Variants in DTNA observed in about 807,000 individuals in gnomAD.
DTNA encodes the protein dystrophin-related protein 3.
DTNA carries 43 observed loss-of-function variants against 100.7 expected under a neutral mutation model. The observed-to-expected ratio is 0.43, with a 90% CI of 0.33 to 0.55. The LOEUF is 0.55. Among genes scored for constraint, DTNA ranks in the 20% least tolerant of loss-of-function variants. The pLI is 0.04. For synonymous variants in DTNA, 349 were observed against 347.9 expected, an observed-to-expected ratio of 1.00 and a Z score of -0.04; for missense variants, 798 against 953.9, an observed-to-expected ratio of 0.84 and a Z score of 2.15.
intron 8 of DTNA, 136 bp from the exon 9 acceptor site, chr18:34,820,655 A>G: frequency 7.0e-7 from 1 of 1,422,418 alleles, no homozygotes; most frequent in Middle Eastern, 1.9e-4. Context: ...AGCATTGAGC[A>G]AACTTCCAGA....
intron 9 of DTNA, chr18:34,821,352 C>T (rs1174925904): frequency 1.9e-5 from 8 of 422,076 alleles, no homozygotes; most frequent in African/African-American, 1.0e-4. Flanking sequence ...CTAGAAATTA[C>T]TTTTGTTTTT....
At chr18:34,560,232 A>G (rs1428954077) in intron 1 of DTNA, among the ~76,000 whole-genome samples, 3 of 152,208 alleles carry the variant, frequency 2.0e-5, no homozygotes, top group Non-Finnish European at 4.4e-5. Context: ...AGCAGACCAC[A>G]AACTCCTTGA....
At chr18:34,793,698 A>G (rs2094846358) in intron 3 of DTNA, among the ~76,000 whole-genome samples, 1 of 152,158 alleles carries the variant, frequency 6.6e-6, no homozygotes, top group African/African-American at 2.4e-5. Context: ...TAGTCTTGCC[A>G]TTGACTCCTC....
Position 34,702,404 on chromosome 18 carries a change from A to G in DTNA, c.-1-53572A>G, listed in dbSNP as rs192145541. 2.3e-3 allele frequency among the ~76,000 whole-genome samples: 343 copies of G among 152,340 alleles called. 2 individuals carry two copies. The highest frequency in any genetic ancestry group is 3.5e-3 in the Non-Finnish European group (239 of 68,018). On this transcript the variant is annotated intron_variant, in intron 1 of 19. Coordinates refer to the DTNA transcript ENST00000283365. ...ACGATACAAGTCAGAAATCATTAAA[A>G]TTAGTCTTCAGCATAAGTATTAAAC...
At chr18:34,550,800 T>C (rs1349472989) in intron 1 of DTNA, among the ~76,000 whole-genome samples, 1 of 152,204 alleles carries the variant, frequency 6.6e-6, no homozygotes, top group East Asian at 1.9e-4. Flanking sequence ...ATGTTATATT[T>C]CTAATCAAAA....
chr18:34,875,188 A>G (rs1445224735), intron 17 of DTNA, 51 bp from the exon 18 acceptor site: 2 of 1,607,096 alleles, frequency 1.2e-6, no homozygotes, highest in Non-Finnish European at 1.7e-6. Context: ...TGGGGATGAC[A>G]TATGACATTT....
chr18:34,712,228 T>A (rs997465129), intron 1 of DTNA, among the ~76,000 whole-genome samples: 1 of 152,102 alleles, frequency 6.6e-6, no homozygotes, highest in Non-Finnish European at 1.5e-5. Flanking sequence ...AAATGATCTC[T>A]TACCCAAGCA....
chr18:34,514,252 A>G (rs1044066865), intron 1 of DTNA, among the ~76,000 whole-genome samples: 5 of 152,048 alleles, frequency 3.3e-5, no homozygotes, highest in Non-Finnish European at 7.4e-5. Flanking sequence ...GTATAAATGT[A>G]TGTATAAAAC....
intron 2 of DTNA, among the ~76,000 whole-genome samples, chr18:34,762,220 G>C (rs1011736294): frequency 6.6e-6 from 1 of 152,176 alleles, no homozygotes; most frequent in Non-Finnish European, 1.5e-5. Flanking sequence ...CAGACTGCTA[G>C]ATCAGAAAAA....
intron 1 of DTNA, among the ~76,000 whole-genome samples, chr18:34,596,325 T>C (rs181095716): frequency 1.0e-3 from 155 of 152,300 alleles, no homozygotes; most frequent in African/African-American, 3.4e-3. Context: ...TTCAAGTGAT[T>C]CTCGTACCTT....
intron 22 of DTNA, among the ~76,000 whole-genome samples, chr18:34,885,038 G>A (rs565421329): frequency 1.1e-4 from 17 of 152,254 alleles, no homozygotes; most frequent in African/African-American, 2.6e-4. Flanking sequence ...ACCTAGAGAC[G>A]TTCCAGTAAT....
intron 1 of DTNA, among the ~76,000 whole-genome samples, chr18:34,578,875 A>G (rs2048360902): frequency 6.6e-6 from 1 of 152,054 alleles, no homozygotes; most frequent in South Asian, 2.1e-4. Context: ...CATGGCCTTT[A>G]CATTTAATGT....
At chr18:34,865,590 GATA>G (rs2096690266) in intron 17 of DTNA, among the ~76,000 whole-genome samples, 1 of 152,158 alleles carries the variant, frequency 6.6e-6, no homozygotes, top group African/African-American at 2.4e-5. Context: ...GACAAGACTA[GATA>G]GTTCATAACC....
rs566749743 is a variant in DTNA, at chr18:34,729,589, G to A, written c.-2+19144G>A. On this transcript the variant is annotated intron_variant, in intron 1 of 22. Transcript: ENST00000444659. ...TTTCACACTTTAAAATCAGATGTAG[G>A]ATTCAAATAAACTAAAATAATTTAA... Among the ~76,000 whole-genome samples, 4 of 152,262 alleles carry A rather than the reference G, an allele frequency of 2.6e-5. No individual in the cohort carries two copies. In the South Asian group the frequency reaches 6.2e-4, roughly 24 times the overall value.
chr18:34,560,961 A>G (rs942382773), intron 1 of DTNA, among the ~76,000 whole-genome samples: 1 of 152,174 alleles, frequency 6.6e-6, no homozygotes, highest in Non-Finnish European at 1.5e-5. Context: ...ATTTCTTTCC[A>G]TTAAATATTG....
chr18:34,579,818 T>A (rs531070833), intron 1 of DTNA, among the ~76,000 whole-genome samples: 14 of 152,212 alleles, frequency 9.2e-5, no homozygotes, highest in African/African-American at 3.4e-4. Context: ...CTTGCTTGGG[T>A]TTTACTTAAC....
intron 1 of DTNA, among the ~76,000 whole-genome samples, chr18:34,575,866 A>T (rs539191283): frequency 7.2e-5 from 11 of 152,298 alleles, no homozygotes; most frequent in Admixed American, 3.9e-4. Flanking sequence ...AAAGAGTAGG[A>T]CTAATCAGTT....
chr18:34,493,332 C>G (rs962451038), exon 1 of DTNA: 5 of 152,278 alleles, frequency 3.3e-5, no homozygotes, highest in Non-Finnish European at 5.9e-5. Flanking sequence ...AACCCTGGTA[C>G]TGGCAGCAGC....
In DTNA at chr18:34,889,055, A is replaced by G. The variant is rs1215651659; in HGVS notation, c.*1321A>G. On this transcript the variant is annotated 3_prime_UTR_variant, in exon 23 of 23. Transcript: ENST00000444659. ...ATAGTCTTTTCCAAGGACCCTCTTT[A>G]GAGGGCCCTAAAGACCTCCTTTGGG... The G allele has an allele frequency of 2.0e-5, 20 of 985,706 alleles. No homozygotes were observed. The highest frequency in any genetic ancestry group is 2.2e-5 in the Non-Finnish European group (18 of 829,938). The allele number at this position is 985,706 out of a possible 1,614,324, so 61.1% of individuals were successfully genotyped here.
Sources: gnomAD v4.1 joint callset for allele counts (sites outside exome capture counted in the v4.1 genomes callset) on GRCh38, gnomAD v4.1.1 for gene constraint, MANE v1.5 for transcripts, NCBI Gene and HGNC (gene_info 2026-07-23, HGNC 2026-07-21) for gene names.